The following PTP4A3 variants were observed in gnomAD, a reference collection of about 807,000 sequenced individuals.
The protein encoded by PTP4A3 is protein tyrosine phosphatase type IVA 3.
A neutral mutation model predicts 15.2 loss-of-function variants in PTP4A3; 9 were observed. The observed-to-expected ratio is 0.59, with a 90% CI of 0.36 to 1.03. The LOEUF (loss-of-function observed/expected upper bound fraction) is 1.03. Ranked by LOEUF, PTP4A3 falls within the 50% of genes least tolerant of loss-of-function variation. The pLI is 0.02. For synonymous variants in PTP4A3, 95 were observed against 102.0 expected (o/e 0.93, Z 0.41); for missense variants, 234 against 252.1 (o/e 0.93, Z 0.49).
Position 141,431,154 on chromosome 8 carries a change from C to A in PTP4A3, c.*110C>A. ...GCCCAGCAGGGGCTCCAGGCCTTGG[C>A]TGGCCCCACATCGCCTTTTCCTCCC... On this transcript the variant is annotated 3_prime_UTR_variant, in exon 6 of 6. Coordinates refer to ENST00000521578, the MANE Select transcript of PTP4A3 (RefSeq NM_032611.3). The A allele has an allele frequency of 9.5e-7, 1 of 1,047,226 alleles. No homozygotes were observed. The highest frequency in any genetic ancestry group is 1.4e-6 in the Non-Finnish European group (1 of 694,844). The allele number at this position is 1,047,226 out of a possible 1,614,324, so 64.9% of individuals were successfully genotyped here.
intron 1 of PTP4A3, among the ~76,000 whole-genome samples, chr8:141,405,512 C>T (rs951699618): frequency 6.6e-6 from 1 of 152,236 alleles, no homozygotes; most frequent in African/African-American, 2.4e-5. Flanking sequence ...GCGGGCGGGT[C>T]TTCCTTTCTT....
At chr8:141,397,026 G>C (rs544347628) in intron 1 of PTP4A3, among the ~76,000 whole-genome samples, 3 of 152,272 alleles carry the variant, frequency 2.0e-5, no homozygotes, top group Admixed American at 2.0e-4. Flanking sequence ...CTGTTTTCCC[G>C]GCCAGGGAGG....
rs754424075 is a variant in PTP4A3, at chr8:141,425,186, G to C, written c.198+46G>C. ...ACCCTAGTCACTGCTGCCACCGGGG[G>C]AGGGTGGGGCGGGGGGCTCCGGGCC... On this transcript the variant is annotated intron_variant, in intron 3 of 5. Coordinates refer to ENST00000521578, the MANE Select transcript of PTP4A3 (RefSeq NM_032611.3). The surrounding 1 kb of genome is among the most constrained non-coding windows in gnomAD (Gnocchi z 4.2). The C allele has an allele frequency of 7.0e-7, 1 of 1,438,516 alleles. No individual in the cohort carries two copies. The highest frequency in any genetic ancestry group is 1.2e-5 in the South Asian group (1 of 86,568). 89.1% of individuals were successfully genotyped at this position (1,438,516 alleles called of 1,614,324 possible).
At chr8:141,430,324 G>A (rs1833803901) in intron 5 of PTP4A3, among the ~76,000 whole-genome samples, 1 of 147,030 alleles carries the variant, frequency 6.8e-6, no homozygotes, top group Non-Finnish European at 1.5e-5. Context: ...GGGACAGGGT[G>A]AGCACACAGT....
Position 141,431,149 on chromosome 8 carries a change from C to G in PTP4A3, c.*105C>G. ...GCCCAGCCCAGCAGGGGCTCCAGGC[C>G]TTGGCTGGCCCCACATCGCCTTTTC... On this transcript the variant is annotated 3_prime_UTR_variant, in exon 6 of 6. Transcript: ENST00000521578. 1 of 1,094,004 alleles carries G rather than the reference C, an allele frequency of 9.1e-7. No individual in the cohort carries two copies. The highest frequency in any genetic ancestry group is 2.1e-5 in the Admixed American group (1 of 46,740). 67.8% of individuals were successfully genotyped at this position (1,094,004 alleles called of 1,614,324 possible).
At position 141,421,472 on chromosome 8, in the gene PTP4A3, C is replaced by G. The variant is rs578107010; in HGVS notation, c.-769C>G. ...AGCACTGCTGCGCCCAGGGTCGCCGCGCCTCCTGCTGAGGGGTCCCCGTGC... is the reference window on the plus strand; with the variant it reads ...AGCACTGCTGCGCCCAGGGTCGCCGGGCCTCCTGCTGAGGGGTCCCCGTGC... On this transcript the variant is annotated 5_prime_UTR_variant, in exon 2 of 6. Coordinates refer to ENST00000521578, the MANE Select transcript of PTP4A3 (RefSeq NM_032611.3). 6.6e-6 allele frequency: 1 copy of G among 152,502 alleles called. No homozygotes were observed. The highest frequency in any genetic ancestry group is 2.1e-4 in the South Asian group (1 of 4,842). The allele number at this position is 152,502 out of a possible 1,614,324, so 9.4% of individuals were successfully genotyped here.
In PTP4A3 at chr8:141,427,744, C is replaced by T. The variant is rs143007547; in HGVS notation, c.330-6C>T. 4,824 of 1,550,092 alleles carry T rather than the reference C, an allele frequency of 3.1e-3. 137 individuals are homozygous for T. In the African/African-American group the frequency reaches 0.057, roughly 18 times the overall value. On this transcript the variant is annotated splice_polypyrimidine_tract_variant and splice_region_variant and intron_variant, in intron 4 of 5. Coordinates refer to ENST00000521578, the MANE Select transcript of PTP4A3 (RefSeq NM_032611.3). ...CGATGACCCCCGCCCTGCTGTTTGC[C>T]CCCAGGGCTCCAGTCCTTGTGGCGC...
intron 1 of PTP4A3, among the ~76,000 whole-genome samples, chr8:141,399,085 G>A (rs1014063729): frequency 6.6e-6 from 1 of 151,478 alleles, no homozygotes; most frequent in African/African-American, 2.4e-5. Context: ...AGGATTCCCC[G>A]CCACCCCACC....
intron 1 of PTP4A3, among the ~76,000 whole-genome samples, chr8:141,419,399 G>A (rs1833216402): frequency 6.6e-6 from 1 of 152,204 alleles, no homozygotes. Context: ...GGGACATCCT[G>A]CTGCCCCAAG....
At chr8:141,393,365 G>A (rs776419124) in intron 1 of PTP4A3, among the ~76,000 whole-genome samples, 37 of 152,150 alleles carry the variant, frequency 2.4e-4, no homozygotes, top group African/African-American at 7.7e-4. Context: ...TCACCACGCC[G>A]GCCCCCCTCA....
intron 1 of PTP4A3, among the ~76,000 whole-genome samples, chr8:141,398,889 G>C (rs185242028): frequency 6.6e-6 from 1 of 152,034 alleles, no homozygotes; most frequent in African/African-American, 2.4e-5. Flanking sequence ...CCACGGCCTC[G>C]TCCTCACCCG....
At chr8:141,430,523 G>A (rs1269268731) in intron 5 of PTP4A3, among the ~76,000 whole-genome samples, 7 of 152,322 alleles carry the variant, frequency 4.6e-5, no homozygotes, top group Non-Finnish European at 7.4e-5. Flanking sequence ...AGGGAAGGTC[G>A]CGCAGCTGGG....
chr8:141,405,264 T>G (rs577919982), intron 1 of PTP4A3, among the ~76,000 whole-genome samples: 3 of 152,332 alleles, frequency 2.0e-5, no homozygotes, highest in African/African-American at 7.2e-5. Flanking sequence ...GTGGGCCCCA[T>G]GCAGAAGTGG....
At chr8:141,423,955 T>G (rs1833449232) in intron 2 of PTP4A3, among the ~76,000 whole-genome samples, 1 of 142,176 alleles carries the variant, frequency 7.0e-6, no homozygotes, top group African/African-American at 2.7e-5. Context: ...GGCTCAGAGG[T>G]GTGTGACTAT....
intron 1 of PTP4A3, among the ~76,000 whole-genome samples, chr8:141,403,547 T>A (rs1333298339): frequency 6.6e-6 from 1 of 152,230 alleles, no homozygotes; most frequent in Non-Finnish European, 1.5e-5. Flanking sequence ...GACACTAGTG[T>A]TCCCATAAGT....
At position 141,430,897 on chromosome 8, in the gene PTP4A3, TG is replaced by T. The variant is rs1833842752; in HGVS notation, c.405-29del. 22 of 1,607,944 alleles carry T rather than the reference TG, an allele frequency of 1.4e-5. 1 individual carries two copies. In the East Asian group the frequency reaches 4.9e-4, roughly 36 times the overall value. On this transcript the variant is annotated intron_variant, in intron 5 of 5. Transcript: ENST00000521578. ...GAGATGGCCGAGCCAGGTCCTTGGA[TG>T]ATCTCTGTTCCTGTTCCCCTCTTCC...
chr8:141,408,270 GTGA>G (rs1436535421), intron 1 of PTP4A3, among the ~76,000 whole-genome samples: 1 of 152,200 alleles, frequency 6.6e-6, no homozygotes, highest in Non-Finnish European at 1.5e-5. Context: ...GGAATTAGTG[GTGA>G]TGATTACACA....
intron 2 of PTP4A3, among the ~76,000 whole-genome samples, chr8:141,422,990 C>T (rs1184032719): frequency 3.3e-5 from 5 of 152,234 alleles, no homozygotes; most frequent in Non-Finnish European, 5.9e-5. Flanking sequence ...GAACGCCCTG[C>T]TGTTTGCAGG....
At chr8:141,393,756 G>T (rs568939282) in intron 1 of PTP4A3, among the ~76,000 whole-genome samples, 46 of 152,318 alleles carry the variant, frequency 3.0e-4, no homozygotes, top group African/African-American at 1.1e-3. Flanking sequence ...CCAGAACATG[G>T]TGAGGGTGGC....
Sources: gnomAD v4.1 joint callset for allele counts (sites outside exome capture counted in the v4.1 genomes callset) on GRCh38, gnomAD v4.1.1 for gene constraint, Gnocchi (gnomAD v3.1) non-coding constraint, MANE v1.5 for transcripts, NCBI Gene and HGNC (gene_info 2026-07-23, HGNC 2026-07-21) for gene names.